Variants in PAPSS2 observed in about 807,000 individuals in gnomAD.
PAPSS2 encodes bifunctional 3'-phosphoadenosine 5'-phosphosulfate synthase 2.
Under a neutral mutation model 66.5 loss-of-function variants are expected in PAPSS2, and 61 were observed. The observed-to-expected ratio is 0.92, with a 90% CI of 0.75 to 1.14. The LOEUF is 1.14. Ranked by LOEUF, PAPSS2 falls within the 50% of genes most tolerant of loss-of-function variation. The pLI is 0.00. For synonymous variants in PAPSS2, 289 were observed against 287.5 expected, an observed-to-expected ratio of 1.01 and a Z score of -0.05; for missense variants, 708 against 789.6, an observed-to-expected ratio of 0.90 and a Z score of 1.24.
chr10:87,715,040 A>G lies in PAPSS2; in HGVS notation c.695A>G (p.Asn232Ser). The change falls in exon 6 of 13, where the codon AAC becomes AGC. Residue 232 changes from asparagine to serine, a missense_variant. Coordinates refer to ENST00000456849, the MANE Select transcript of PAPSS2 (RefSeq NM_001015880.2). ...KDIHELFVPE[N>S]KLDHVRAEAE... ...ATCCACGAACTCTTTGTGCCGGAAA[A>G]CAAACTTGACCACGTCCGAGCTGAG... The G allele has an allele frequency of 6.2e-7, 1 of 1,613,748 alleles. No individual in the cohort carries two copies.
chr10:87,733,721 T>C (rs1002074700), intron 9 of PAPSS2, among the ~76,000 whole-genome samples: 3 of 152,196 alleles, frequency 2.0e-5, no homozygotes, highest in African/African-American at 7.2e-5. Flanking sequence ...GTGATTCTAA[T>C]GGGCTGTGAA....
chr10:87,687,555 G>A (rs1454844470), intron 1 of PAPSS2, among the ~76,000 whole-genome samples: 1 of 152,134 alleles, frequency 6.6e-6, no homozygotes, highest in African/African-American at 2.4e-5. Flanking sequence ...GTAGAATAGT[G>A]GTTACCAGAG....
intron 1 of PAPSS2, among the ~76,000 whole-genome samples, chr10:87,701,192 AAAG>A (rs1015520739): frequency 1.3e-5 from 2 of 151,540 alleles, no homozygotes; most frequent in Admixed American, 1.3e-4. Flanking sequence ...AGCATAGAAA[AAAG>A]AAGCACCAAA....
At chr10:87,692,088 T>G (rs1853178535) in intron 1 of PAPSS2, among the ~76,000 whole-genome samples, 1 of 152,136 alleles carries the variant, frequency 6.6e-6, no homozygotes, top group African/African-American at 2.4e-5. Flanking sequence ...GGCGTTTAGC[T>G]GAAATTTGCA....
chr10:87,743,751 C>T, intron 11 of PAPSS2, 110 bp downstream of exon 11: 2 of 1,218,470 alleles, frequency 1.6e-6, no homozygotes, highest in South Asian at 1.2e-5. Context: ...TGAGCAGATT[C>T]TGGAATGTTC....
rs139883187 is a variant in PAPSS2 at position 87,686,767 on chromosome 10, G to A, written c.28-22429G>A. On this transcript the variant is annotated intron_variant, in intron 1 of 12. Transcript: ENST00000456849. Reference sequence around the variant, plus strand: ...TTTTAAACCATCCCTTCTGATTAACGTCAGAGAAGAGGGGCATTCCTTTGA... The same window carrying A: ...TTTTAAACCATCCCTTCTGATTAACATCAGAGAAGAGGGGCATTCCTTTGA... Among the ~76,000 whole-genome samples the A allele has an allele frequency of 5.9e-5, 9 of 152,228 alleles. No homozygotes were observed. In the East Asian group the frequency reaches 1.2e-3, roughly 20 times the overall value.
intron 1 of PAPSS2, among the ~76,000 whole-genome samples, chr10:87,686,622 C>A (rs1853092495): frequency 6.6e-6 from 1 of 152,138 alleles, no homozygotes. Context: ...GGAAAATTAT[C>A]TAAATTTTGA....
intron 1 of PAPSS2, among the ~76,000 whole-genome samples, chr10:87,693,831 G>A (rs1853200216): frequency 1.3e-5 from 2 of 152,158 alleles, no homozygotes; most frequent in South Asian, 4.1e-4. Flanking sequence ...TCTTTTAAAC[G>A]TTTGGACTGC....
At chr10:87,718,437 ACCCACCAGCCTG>A (rs1589436344) in intron 7 of PAPSS2, among the ~76,000 whole-genome samples, 1 of 152,226 alleles carries the variant, frequency 6.6e-6, no homozygotes, top group East Asian at 1.9e-4. Flanking sequence ...GTCCCCGCAA[ACCCACCAGCCTG>A]GGGATATGAA....
In PAPSS2 at chr10:87,744,989, G is replaced by A. The variant is rs1220041251; in HGVS notation, c.1492-13G>A. On this transcript the variant is annotated splice_polypyrimidine_tract_variant and intron_variant, in intron 11 of 12. Coordinates refer to ENST00000456849, the MANE Select transcript of PAPSS2 (RefSeq NM_001015880.2). The stretch of plus-strand genomic sequence containing the variant: ...CCACAATGACCAGCATGTCCCTTAT[G>A]GACATTTTCTAGGTCCAGTGGCACT... The A allele has an allele frequency of 6.2e-7, 1 of 1,610,622 alleles. No homozygotes were observed. Among genetic ancestry groups the A allele is most frequent in the Non-Finnish European group, 8.5e-7 (1 of 1,177,098 alleles).
chr10:87,740,268 G>A (rs1853851650), intron 9 of PAPSS2, among the ~76,000 whole-genome samples: 1 of 133,152 alleles, frequency 7.5e-6, no homozygotes, highest in African/African-American at 3.3e-5. Context: ...ACTTTTTGAT[G>A]AGACTAGTAG....
chr10:87,714,629 T>C, intron 4 of PAPSS2, 116 bp from the exon 5 acceptor site: 1 of 769,466 alleles, frequency 1.3e-6, no homozygotes, highest in South Asian at 1.4e-5. Flanking sequence ...TGACCTTTTC[T>C]GTTAAAGTGT....
At chr10:87,673,817 A>G (rs1287481146) in intron 1 of PAPSS2, among the ~76,000 whole-genome samples, 4 of 149,664 alleles carry the variant, frequency 2.7e-5, no homozygotes, top group Non-Finnish European at 4.4e-5. Context: ...TGCTTTATGA[A>G]TCTTCTAAGT....
intron 9 of PAPSS2, among the ~76,000 whole-genome samples, chr10:87,734,598 C>A (rs1436076295): frequency 1.4e-5 from 2 of 146,274 alleles, no homozygotes; most frequent in Non-Finnish European, 3.0e-5. Flanking sequence ...ATCTACATTA[C>A]CTCCAGGTTC....
Position 87,715,071 on chromosome 10 carries a change from A to G in PAPSS2, c.726A>G (p.Glu242=). The change falls in exon 6 of 13, where the codon GAA becomes GAG. Residue 242 remains glutamate, a synonymous_variant. Coordinates refer to ENST00000456849, the MANE Select transcript of PAPSS2 (RefSeq NM_001015880.2). Reference sequence around the variant, plus strand: ...TTGACCACGTCCGAGCTGAGGCTGAAACTCTCCCTTCATTATCAATTACTA... The same window carrying G: ...TTGACCACGTCCGAGCTGAGGCTGAGACTCTCCCTTCATTATCAATTACTA... ...NKLDHVRAEA[E]TLPSLSITKL... 1.9e-6 allele frequency: 3 copies of G among 1,610,572 alleles called. No homozygotes were observed. The highest frequency in any genetic ancestry group is 2.5e-6 in the Non-Finnish European group (3 of 1,176,836).
At chr10:87,676,661 G>A (rs573980575) in intron 1 of PAPSS2, among the ~76,000 whole-genome samples, 8 of 151,958 alleles carry the variant, frequency 5.3e-5, no homozygotes, top group South Asian at 4.2e-4. Context: ...AATATGTTGC[G>A]TTATATAGCA....
At chr10:87,700,069 T>A (rs1395120067) in intron 1 of PAPSS2, among the ~76,000 whole-genome samples, 1 of 152,180 alleles carries the variant, frequency 6.6e-6, no homozygotes, top group African/African-American at 2.4e-5. Context: ...GAGATTAATG[T>A]TAACTCACTC....
At chr10:87,666,823 C>T (rs1475922447) in intron 1 of PAPSS2, among the ~76,000 whole-genome samples, 1 of 152,058 alleles carries the variant, frequency 6.6e-6, no homozygotes, top group Non-Finnish European at 1.5e-5. Flanking sequence ...AACTAGGTTC[C>T]TACTTTGCTG....
chr10:87,732,191 C>T (rs541507571), intron 9 of PAPSS2, among the ~76,000 whole-genome samples: 1 of 152,192 alleles, frequency 6.6e-6, no homozygotes, highest in Non-Finnish European at 1.5e-5. Flanking sequence ...GATTACAACT[C>T]TCTGAAGGCT....
Sources: allele counts gnomAD v4.1 joint callset (sites outside exome capture counted in the v4.1 genomes callset), GRCh38; gene constraint gnomAD v4.1.1; transcripts MANE v1.5; gene names NCBI Gene and HGNC (gene_info 2026-07-23, HGNC 2026-07-21).